The following MYO7A variants were observed in gnomAD, a reference collection of about 807,000 sequenced individuals.
The protein encoded by MYO7A is myosin VIIA.
MYO7A carries 210 observed loss-of-function variants against 263.8 expected under a neutral mutation model. The ratio of observed to expected loss-of-function variants is 0.80; its 90% CI spans 0.71 to 0.89. The LOEUF (loss-of-function observed/expected upper bound fraction) is 0.89, where lower values mean the gene tolerates loss of function less well. MYO7A is among the 40% of genes least tolerant of loss of function. The pLI, the probability that MYO7A is intolerant of heterozygous loss-of-function variation, is 0.00. For missense variants in MYO7A, 2,820 were observed against 2,968.3 expected (o/e 0.95, Z 1.16); for synonymous variants, 1,239 against 1,197.3 (o/e 1.03, Z -0.72).
chr11:77,182,026 G>C lies in MYO7A; in HGVS notation c.2980G>C (p.Glu994Gln). The change falls in exon 24 of 49, where the codon GAG becomes CAG. Residue 994 changes from glutamate (E) to glutamine (Q), a missense_variant. Coordinates refer to ENST00000409709, the MANE Select transcript of MYO7A (RefSeq NM_000260.4). ...CCTGCCCCTGCCTGACGAGGATGAG[G>C]AGGACCTCTCTGAGTATAAATTTGC... ...AALPLPDEDE[E>Q]DLSEYKFAKF... 13 of 1,613,434 alleles carry C rather than the reference G, an allele frequency of 8.1e-6. No individual in the cohort carries two copies. The highest frequency in any genetic ancestry group is 7.6e-6 in the Non-Finnish European group (9 of 1,179,814).
Position 77,161,308 on chromosome 11 carries a change from C to G in MYO7A, c.1343+193C>G, listed in dbSNP as rs1952976533. Among the ~76,000 whole-genome samples, 2 of 152,142 alleles carry G rather than the reference C, an allele frequency of 1.3e-5. 1 individual carries two copies. The highest frequency in any genetic ancestry group is 1.3e-4 in the Admixed American group (2 of 15,276). On this transcript the variant is annotated intron_variant, in intron 12 of 48. Transcript: ENST00000409709. ...CTCACCTCCTCAAGGTCAGCTGAGC[C>G]TGGCTGGGGTTGTCAGGAGGCTGTA...
At chr11:77,180,530 C>T in intron 22 of MYO7A, 49 bp downstream of exon 22, 3 of 1,530,758 alleles carry the variant, frequency 2.0e-6, no homozygotes, top group Non-Finnish European at 2.7e-6. Flanking sequence ...GCTGGCTTGT[C>T]CCCTCCCCGA....
At chr11:77,211,010 T>C in intron 44 of MYO7A, 142 bp from the exon 45 acceptor site, 1 of 724,834 alleles carries the variant, frequency 1.4e-6, no homozygotes, top group Non-Finnish European at 2.2e-6. Flanking sequence ...GGGGGAGCAG[T>C]GTCAGCTGAG....
chr11:77,200,298 G>C (rs1051563762), intron 35 of MYO7A, among the ~76,000 whole-genome samples: 1 of 151,822 alleles, frequency 6.6e-6, no homozygotes, highest in Admixed American at 6.6e-5. Flanking sequence ...GAAACAAAGA[G>C]AAAAAAGATG....
In MYO7A at chr11:77,192,227, C is replaced by T. The variant is rs773297388; in HGVS notation, c.4101C>T (p.Ile1367=). The change falls in exon 31 of 49, where the codon ATC becomes ATT. Residue 1367 remains isoleucine (I), a synonymous_variant. Transcript: ENST00000409709. The stretch of plus-strand genomic sequence containing the variant: ...AGGACAACGTGGCCACCAACCTCAT[C>T]TACCAGCAGGTGGTGCGAGGAGTCA... ...PSEDNVATNL[I]YQQVVRGVKF... 28 of 1,613,964 alleles carry T rather than the reference C, an allele frequency of 1.7e-5. No individual in the cohort carries two copies. The highest frequency in any genetic ancestry group is 2.2e-5 in the Non-Finnish European group (26 of 1,179,916).
chr11:77,129,402 C>T (rs1476941049), intron 1 of MYO7A, among the ~76,000 whole-genome samples: 1 of 152,192 alleles, frequency 6.6e-6, no homozygotes, highest in Non-Finnish European at 1.5e-5. Flanking sequence ...AATGCCCCGG[C>T]GGCTCTGAAT....
chr11:77,132,934 C>T lies in MYO7A; in HGVS notation c.18+2282C>T, dbSNP rs558022479. ...TGGAACTGCAGAGCGGGTCGGCTCCCGGGGCTCGGGTTCTTTTTAGGACCA... is the reference window on the plus strand; with the variant it reads ...TGGAACTGCAGAGCGGGTCGGCTCCTGGGGCTCGGGTTCTTTTTAGGACCA... On this transcript the variant is annotated intron_variant, in intron 2 of 48. Coordinates refer to ENST00000409709, the MANE Select transcript of MYO7A (RefSeq NM_000260.4). Among the ~76,000 whole-genome samples the T allele has an allele frequency of 1.2e-4, 18 of 152,300 alleles. No homozygotes were observed. The South Asian group carries it at 3.1e-3, about 26-fold the overall frequency.
chr11:77,184,454 G>A (rs782307598), intron 26 of MYO7A, 134 bp from the exon 27 acceptor site: 252 of 737,730 alleles, frequency 3.4e-4, no homozygotes, highest in Non-Finnish European at 5.2e-4. Flanking sequence ...TAATGACAGT[G>A]ATGGGGAGCC....
rs1260458130 is a variant in MYO7A at position 77,131,266 on chromosome 11, C to T, written c.18+614C>T. On this transcript the variant is annotated intron_variant, in intron 2 of 48. Transcript: ENST00000409709. ...TGGGCCCTGAGCCAGGTGGGCCTGG[C>T]AGCAGGCCGTAGGGCTTGTGGGGCT... Among the ~76,000 whole-genome samples the T allele has an allele frequency of 2.6e-5, 4 of 152,224 alleles. No homozygotes were observed. The East Asian group carries it at 7.7e-4, about 29-fold the overall frequency.
Position 77,211,929 on chromosome 11 carries a change from G to A in MYO7A, c.6346G>A (p.Glu2116Lys), listed in dbSNP as rs781592754. 2.7e-5 allele frequency: 43 copies of A among 1,613,046 alleles called. 1 individual carries two copies. Among genetic ancestry groups the A allele is most frequent in the South Asian group, 2.3e-4 (21 of 91,028 alleles). Reference sequence around the variant, plus strand: ...GCCCACCTTTGGCTCAGCCTTCTTCGAGGTGAAGGTACACCATGGGCTTCT... The same window carrying A: ...GCCCACCTTTGGCTCAGCCTTCTTCAAGGTGAAGGTACACCATGGGCTTCT... The part of the protein sequence containing the change: ...KWPTFGSAFF[E>K]VKQTTEPNFP... The change falls in exon 46 of 49, where the codon GAG becomes AAG. Residue 2116 changes from glutamate (E) to lysine (K), a missense_variant. Transcript: ENST00000409709.
chr11:77,197,134 C>T (rs559417510), intron 32 of MYO7A, among the ~76,000 whole-genome samples: 6 of 152,356 alleles, frequency 3.9e-5, no homozygotes, highest in East Asian at 1.9e-4. Flanking sequence ...CACCAGCACA[C>T]GCCTCCTACT....
chr11:77,196,183 A>G (rs1591445135), intron 32 of MYO7A, among the ~76,000 whole-genome samples: 3 of 152,252 alleles, frequency 2.0e-5, no homozygotes, highest in African/African-American at 4.8e-5. Context: ...CCTGGCCAAC[A>G]TGGCAAAACC....
In MYO7A at chr11:77,158,159, C is replaced by A; in HGVS notation, c.850-118C>A. 7 of 1,212,558 alleles carry A rather than the reference C, an allele frequency of 5.8e-6. No individual in the cohort carries two copies. The African/African-American group carries it at 7.8e-5, about 13-fold the overall frequency. 75.1% of individuals were successfully genotyped at this position (1,212,558 alleles called of 1,614,324 possible). ...CACCGGGTGAGGTCAGCGCCTGGGG[C>A]CCCGGGCTGGCCTGGCCTGTCAGGC... On this transcript the variant is annotated intron_variant, in intron 8 of 48. Coordinates refer to ENST00000409709, the MANE Select transcript of MYO7A (RefSeq NM_000260.4).
chr11:77,187,282 C>T (rs1955717150), intron 27 of MYO7A, among the ~76,000 whole-genome samples: 2 of 152,114 alleles, frequency 1.3e-5, no homozygotes, highest in African/African-American at 4.8e-5. Flanking sequence ...TAGACTTGCT[C>T]CATGCAGAGT....
chr11:77,172,850 C>A lies in MYO7A; in HGVS notation c.1900C>A (p.Arg634=), dbSNP rs111033180. The A allele has an allele frequency of 1.9e-6, 3 of 1,552,164 alleles. No homozygotes were observed. The highest frequency in any genetic ancestry group is 1.2e-5 in the South Asian group (1 of 84,066). The change falls in exon 16 of 49, where the codon CGA becomes AGA. Residue 634 remains arginine (R), a synonymous_variant. Transcript: ENST00000409709. ...GGGTGCCTGCCAGCCCTTCTTTGTG[C>A]GATGCATCAAGCCCAATGAGTTCAA... The part of the protein sequence containing the change: ...TLGACQPFFV[R]CIKPNEFKKP...
intron 31 of MYO7A, among the ~76,000 whole-genome samples, chr11:77,192,929 T>TTGTTTGTGATGGTGGAGGTAGTGATGG: frequency 1.4e-5 from 1 of 73,560 alleles, no homozygotes; most frequent in East Asian, 4.2e-4. Context: ...AGTGATGGTG[T>TTGTTTGTGATGGTGGAGGTAGTGATGG]TGTTTGTGAT....
At chr11:77,171,627 C>G (rs1264983150) in intron 15 of MYO7A, among the ~76,000 whole-genome samples, 2 of 152,128 alleles carry the variant, frequency 1.3e-5, no homozygotes, top group African/African-American at 4.8e-5. Flanking sequence ...CATCTACACC[C>G]CTGGTTTTTG....
chr11:77,211,070 C>A (rs1046518708), intron 44 of MYO7A, 82 bp from the exon 45 acceptor site: 1 of 1,299,798 alleles, frequency 7.7e-7, no homozygotes, highest in Non-Finnish European at 1.1e-6. Context: ...TAGACCCCGG[C>A]GTTGGGGGTC....
intron 16 of MYO7A, 22 bp downstream of exon 16, chr11:77,172,907 T>TTGGC: frequency 6.5e-7 from 1 of 1,539,082 alleles, no homozygotes; most frequent in Non-Finnish European, 8.8e-7. Context: ...TGGCCTGGGG[T>TTGGC]TGGCGGGTGG....
Sources: allele counts gnomAD v4.1 joint callset (sites outside exome capture counted in the v4.1 genomes callset), GRCh38; gene constraint gnomAD v4.1.1; transcripts MANE v1.5; gene names NCBI Gene and HGNC (gene_info 2026-07-23, HGNC 2026-07-21).